WDR44: variants seen among roughly 807,000 people sequenced by gnomAD.
WDR44 encodes WD repeat domain 44, also known as WD repeat-containing protein 44.
A neutral mutation model predicts 65.7 loss-of-function variants in WDR44; 9 were observed. That is an observed-to-expected ratio of 0.14 (90% CI 0.08 to 0.24). WDR44 has a LOEUF of 0.24. Among genes scored for constraint, WDR44 ranks in the 10% least tolerant of loss-of-function variants. WDR44 has a pLI of 1.00. For missense variants in WDR44, 425 were observed against 670.9 expected (o/e 0.63, Z 4.05); for synonymous variants, 220 against 235.2 (o/e 0.94, Z 0.59).
chrX:118,443,396 G>A lies in WDR44; in HGVS notation c.2385-164G>A, dbSNP rs149805676. On this transcript the variant is annotated intron_variant, in intron 17 of 19. Coordinates refer to ENST00000254029, the MANE Select transcript of WDR44 (RefSeq NM_019045.5). ...CAAGTGCCAGGCCACTACATCACAC[G>A]TACACATTTAGAACATCTAGAGTGA... Among the ~76,000 whole-genome samples the A allele has an allele frequency of 7.4e-3, 825 of 111,743 alleles. 4 individuals are homozygous for A. Among genetic ancestry groups the A allele is most frequent in the African/African-American group, 0.025 (781 of 30,728 alleles).
intron 19 of WDR44, among the ~76,000 whole-genome samples, chrX:118,446,535 G>T (rs185563849): frequency 5.4e-5 from 6 of 112,028 alleles, no homozygotes; most frequent in Non-Finnish European, 1.1e-4. Flanking sequence ...TAGATACAGT[G>T]TACAAAGAGT....
intron 7 of WDR44, 112 bp downstream of exon 7, chrX:118,397,218 T>A: frequency 1.5e-6 from 1 of 672,292 alleles, no homozygotes; most frequent in Non-Finnish European, 2.1e-6. Context: ...TTTTTTCTTC[T>A]GGAATTAAAA....
chrX:118,397,203 C>T, intron 7 of WDR44, 97 bp downstream of exon 7: 1 of 773,032 alleles, frequency 1.3e-6, no homozygotes, highest in Non-Finnish European at 1.8e-6. Flanking sequence ...TGGTTTCATT[C>T]AGTCTTTTTT....
rs2056847469 is a variant in WDR44, at chrX:118,394,340, A to G, written c.957+155A>G. Among the ~76,000 whole-genome samples, 4 of 111,767 alleles carry G rather than the reference A, an allele frequency of 3.6e-5. No homozygotes were observed. In the South Asian group the frequency reaches 1.5e-3, roughly 42 times the overall value. On this transcript the variant is annotated intron_variant, in intron 5 of 19. Transcript: ENST00000254029. ...TCTTGATCAGCTCTGCTACATGCTA[A>G]CTGGGTGAGCCTAGCAAGCTGTTTA...
chrX:118,412,031 G>A (rs1338672759), intron 12 of WDR44, among the ~76,000 whole-genome samples: 2 of 112,035 alleles, frequency 1.8e-5, no homozygotes, highest in Admixed American at 9.5e-5. Context: ...AGTATTAGAT[G>A]GTGATATTCT....
At chrX:118,385,840 G>A (rs891256894) in intron 2 of WDR44, among the ~76,000 whole-genome samples, 8 of 109,638 alleles carry the variant, frequency 7.3e-5, no homozygotes, top group Admixed American at 4.9e-4. Flanking sequence ...GAGATGAGGA[G>A]TGTAGAAGAT....
intron 12 of WDR44, among the ~76,000 whole-genome samples, chrX:118,420,166 G>A (rs2057091918): frequency 9.0e-6 from 1 of 110,813 alleles, no homozygotes; most frequent in South Asian, 3.8e-4. Context: ...TTCTGCCTCT[G>A]GTCTCTACCC....
intron 1 of WDR44, among the ~76,000 whole-genome samples, chrX:118,356,489 T>C (rs1172059671): frequency 9.0e-6 from 1 of 110,921 alleles, no homozygotes; most frequent in East Asian, 2.8e-4. Context: ...ACTGATTCAT[T>C]TTTTTGGCCA....
In WDR44 at chrX:118,346,666, C is replaced by T. The variant is rs1002248992; in HGVS notation, c.77+86C>T. On this transcript the variant is annotated intron_variant, in intron 1 of 19. Coordinates refer to ENST00000254029, the MANE Select transcript of WDR44 (RefSeq NM_019045.5). ...CTTCCCCCTACACCCCTCCCAGGTC[C>T]CGCTGTGTCCGCCACCGCTGTTCCT... 16 of 722,538 alleles carry T rather than the reference C, an allele frequency of 2.2e-5. No homozygotes were observed. The African/African-American group carries it at 3.4e-4, about 15-fold the overall frequency. The allele number at this position is 722,538 out of a possible 1,213,427, so 59.5% of individuals were successfully genotyped here.
chrX:118,426,109 G>C (rs761165758), intron 12 of WDR44, among the ~76,000 whole-genome samples: 1 of 111,943 alleles, frequency 8.9e-6, no homozygotes, highest in Non-Finnish European at 1.9e-5. Context: ...GAACATTTGA[G>C]TGTGGATTAG....
At chrX:118,376,775 G>A (rs1406448670) in intron 1 of WDR44, among the ~76,000 whole-genome samples, 2 of 110,801 alleles carry the variant, frequency 1.8e-5, no homozygotes, top group Admixed American at 9.6e-5. Context: ...AAGATGAGGC[G>A]GGTGGATTGC....
intron 12 of WDR44, among the ~76,000 whole-genome samples, chrX:118,413,867 A>C (rs1440424089): frequency 1.8e-5 from 2 of 111,684 alleles, no homozygotes; most frequent in Non-Finnish European, 3.8e-5. Flanking sequence ...ATAAAGTGAG[A>C]GATGAGGATC....
intron 12 of WDR44, among the ~76,000 whole-genome samples, chrX:118,427,683 C>CTTTTTTT (rs1226853723): frequency 2.2e-5 from 2 of 91,716 alleles, no homozygotes; most frequent in Non-Finnish European, 2.2e-5. Context: ...GGGCAGGAAT[C>CTTTTTTT]TTTTTTTTTT....
intron 12 of WDR44, 120 bp downstream of exon 12, chrX:118,411,079 G>A: frequency 1.7e-6 from 1 of 571,499 alleles, no homozygotes; most frequent in South Asian, 4.1e-5. Flanking sequence ...AAATTAAGAT[G>A]TATCATTAGA....
At chrX:118,414,121 G>A (rs4825577) in intron 12 of WDR44, among the ~76,000 whole-genome samples, 29,175 of 109,771 alleles carry the variant, frequency 0.27, 3,193 homozygotes, top group African/African-American at 0.39. Context: ...TGACGCCTCC[G>A]TATTTGTTCT....
At chrX:118,368,126 C>T (rs1366932262) in intron 1 of WDR44, among the ~76,000 whole-genome samples, 1 of 111,435 alleles carries the variant, frequency 9.0e-6, no homozygotes, top group African/African-American at 3.3e-5. Flanking sequence ...AAGAAGGTTA[C>T]TAAAATGTTC....
intron 1 of WDR44, among the ~76,000 whole-genome samples, chrX:118,349,838 G>A (rs987962865): frequency 1.8e-5 from 2 of 112,046 alleles, no homozygotes; most frequent in African/African-American, 6.5e-5. Context: ...GTGAGCCACC[G>A]CACCTGGCCT....
rs57659623 is a variant in WDR44, at chrX:118,368,712, C to CTTT, written c.78-9687_78-9685dup. Among the ~76,000 whole-genome samples the CTTT allele has an allele frequency of 1.5e-3, 107 of 70,797 alleles. 1 individual carries two copies. The highest frequency in any genetic ancestry group is 7.3e-3 in the African/African-American group (100 of 13,784). The allele number at this position is 70,797 out of a possible 115,157, so 61.5% of individuals were successfully genotyped here. The stretch of plus-strand genomic sequence containing the variant: ...TGAAGTAGCAATCCACATACTCTTC[C>CTTT]TTTTTTTTTTTTTTTTTTTTTTGGA... On this transcript the variant is annotated intron_variant, in intron 1 of 19. Coordinates refer to ENST00000254029, the MANE Select transcript of WDR44 (RefSeq NM_019045.5).
intron 4 of WDR44, 147 bp from the exon 5 acceptor site, chrX:118,393,908 T>G: frequency 4.0e-6 from 2 of 503,291 alleles, no homozygotes; most frequent in Non-Finnish European, 6.4e-6. Context: ...GTATGAGCTG[T>G]ATAGTCTTGA....
Sources: gnomAD v4.1 joint callset for allele counts (sites outside exome capture counted in the v4.1 genomes callset) on GRCh38, gnomAD v4.1.1 for gene constraint, MANE v1.5 for transcripts, NCBI Gene and HGNC (gene_info 2026-07-23, HGNC 2026-07-21) for gene names.